Variants in GPC5 observed in about 807,000 individuals in gnomAD.
GPC5 encodes the protein glypican 5.
Under a neutral mutation model 53.9 loss-of-function variants are expected in GPC5, and 47 were observed. The ratio of observed to expected loss-of-function variants is 0.87; its 90% CI spans 0.69 to 1.11. GPC5 has a LOEUF of 1.11. Among genes scored for constraint, GPC5 ranks in the 50% most tolerant of loss-of-function variants. The probability of loss-of-function intolerance (pLI) is 0.00; values close to 1 mark genes in which losing one functional copy is unlikely to be tolerated. For synonymous variants in GPC5, 286 were observed against 263.3 expected (o/e 1.09, Z -0.84); for missense variants, 748 against 713.1 (o/e 1.05, Z -0.56).
At chr13:92,307,924 C>T (rs1315885587) in intron 7 of GPC5, among the ~76,000 whole-genome samples, 2 of 152,128 alleles carry the variant, frequency 1.3e-5, no homozygotes, top group African/African-American at 4.8e-5. Context: ...TTTAATACAC[C>T]TAAGTGTATG....
In GPC5 at chr13:92,169,972, A is replaced by G. The variant is rs567094688; in HGVS notation, c.1561+24983A>G. Among the ~76,000 whole-genome samples, 82 of 152,128 alleles carry G rather than the reference A, an allele frequency of 5.4e-4. 1 individual carries two copies. In the South Asian group the frequency reaches 0.016, roughly 30 times the overall value. On this transcript the variant is annotated intron_variant, in intron 7 of 7. Coordinates refer to ENST00000377067, the MANE Select transcript of GPC5 (RefSeq NM_004466.6). Reference sequence around the variant, plus strand: ...TTTAAAATATTATTTTTATATATCTATCACATTCTTATAATCAATAGCATA... The same window carrying G: ...TTTAAAATATTATTTTTATATATCTGTCACATTCTTATAATCAATAGCATA...
At chr13:92,150,046 T>G (rs1044205958) in intron 7 of GPC5, among the ~76,000 whole-genome samples, 3 of 151,984 alleles carry the variant, frequency 2.0e-5, no homozygotes, top group Non-Finnish European at 2.9e-5. Flanking sequence ...CTTTGTAAAC[T>G]GTTGAAAAAT....
At chr13:91,901,290 A>G (rs2039494922) in intron 5 of GPC5, among the ~76,000 whole-genome samples, 1 of 152,100 alleles carries the variant, frequency 6.6e-6, no homozygotes, top group Non-Finnish European at 1.5e-5. Flanking sequence ...TTAGAGATTA[A>G]CTTAAAAGTA....
intron 3 of GPC5, among the ~76,000 whole-genome samples, chr13:91,723,227 C>T (rs1261798062): frequency 6.6e-6 from 1 of 151,826 alleles, no homozygotes; most frequent in Non-Finnish European, 1.5e-5. Context: ...TCTTCTCCTC[C>T]TCCTTTTTTG....
chr13:91,674,327 G>T (rs1255849839), intron 2 of GPC5, among the ~76,000 whole-genome samples: 1 of 151,256 alleles, frequency 6.6e-6, no homozygotes, highest in Non-Finnish European at 1.5e-5. Context: ...TCCATTGAAG[G>T]CCCAAGGCAA....
intron 7 of GPC5, among the ~76,000 whole-genome samples, chr13:92,372,968 A>G (rs1196829350): frequency 6.6e-6 from 1 of 152,236 alleles, no homozygotes; most frequent in African/African-American, 2.4e-5. Flanking sequence ...AATATCTGAT[A>G]TAAATTATAT....
intron 2 of GPC5, among the ~76,000 whole-genome samples, chr13:91,648,016 G>A (rs141802603): frequency 6.6e-5 from 10 of 152,282 alleles, no homozygotes; most frequent in African/African-American, 2.4e-4. Context: ...AATTGCTGCT[G>A]CTGCTAAAGG....
chr13:92,112,007 T>C (rs1016151802), intron 6 of GPC5, among the ~76,000 whole-genome samples: 1 of 152,120 alleles, frequency 6.6e-6, no homozygotes, highest in African/African-American at 2.4e-5. Flanking sequence ...ACAATGAGAC[T>C]AAAAGCTGTA....
At chr13:91,495,429 A>G (rs1884196094) in intron 2 of GPC5, among the ~76,000 whole-genome samples, 1 of 152,168 alleles carries the variant, frequency 6.6e-6, no homozygotes, top group African/African-American at 2.4e-5. Flanking sequence ...TTCACAGGGT[A>G]GAAGAGTCCT....
At chr13:92,294,033 G>T (rs531326505) in intron 7 of GPC5, among the ~76,000 whole-genome samples, 5 of 152,184 alleles carry the variant, frequency 3.3e-5, no homozygotes, top group South Asian at 4.1e-4. Flanking sequence ...TGCATCCCTG[G>T]TATGAAACCT....
chr13:92,235,423 T>C (rs1172743740), intron 7 of GPC5, among the ~76,000 whole-genome samples: 1 of 152,158 alleles, frequency 6.6e-6, no homozygotes, highest in Admixed American at 6.5e-5. Flanking sequence ...TTGTTGTTCA[T>C]GAGAAAATTG....
At chr13:92,520,519 A>C (rs1224932928) in intron 7 of GPC5, among the ~76,000 whole-genome samples, 1 of 152,206 alleles carries the variant, frequency 6.6e-6, no homozygotes, top group African/African-American at 2.4e-5. Context: ...ACAGAACCAA[A>C]GATTAAAAAC....
At chr13:91,825,655 C>G (rs2038565280) in intron 5 of GPC5, among the ~76,000 whole-genome samples, 1 of 152,016 alleles carries the variant, frequency 6.6e-6, no homozygotes, top group Non-Finnish European at 1.5e-5. Flanking sequence ...AAGAACTATA[C>G]TGGGTGAGAT....
chr13:91,697,439 C>T (rs969063108), intron 3 of GPC5, among the ~76,000 whole-genome samples: 2 of 152,118 alleles, frequency 1.3e-5, no homozygotes, highest in African/African-American at 4.8e-5. Flanking sequence ...CCACGCCTGG[C>T]CTTCTCTGAT....
chr13:92,196,720 TG>T (rs1328169599), intron 7 of GPC5, among the ~76,000 whole-genome samples: 2 of 152,224 alleles, frequency 1.3e-5, no homozygotes, highest in Non-Finnish European at 2.9e-5. Context: ...GCTGTAACTC[TG>T]CCCTTTTCTC....
At chr13:91,924,552 C>T (rs1271670494) in intron 6 of GPC5, among the ~76,000 whole-genome samples, 1 of 151,782 alleles carries the variant, frequency 6.6e-6, no homozygotes, top group East Asian at 1.9e-4. Context: ...TGGTGAAAAC[C>T]CATCTCTACA....
chr13:92,408,004 C>T (rs543089301), intron 7 of GPC5, among the ~76,000 whole-genome samples: 1 of 152,152 alleles, frequency 6.6e-6, no homozygotes, highest in African/African-American at 2.4e-5. Context: ...AAGCCATGGC[C>T]GCCAAGTGGA....
intron 7 of GPC5, among the ~76,000 whole-genome samples, chr13:92,671,799 T>TG (rs34380491): frequency 0.22 from 33,645 of 152,206 alleles, 4,383 homozygotes; most frequent in South Asian, 0.36. Flanking sequence ...AAAAGGGTTG[T>TG]GCTTTGTCCT....
intron 7 of GPC5, among the ~76,000 whole-genome samples, chr13:92,669,673 A>G (rs753853111): frequency 6.6e-6 from 1 of 152,112 alleles, no homozygotes; most frequent in Non-Finnish European, 1.5e-5. Flanking sequence ...CCTTTCTGCT[A>G]CCCAGGCATT....
Sources: allele counts gnomAD v4.1 joint callset (sites outside exome capture counted in the v4.1 genomes callset), GRCh38; gene constraint gnomAD v4.1.1; transcripts MANE v1.5; gene names NCBI Gene and HGNC (gene_info 2026-07-23, HGNC 2026-07-21).